The following GDI2 variants were observed in gnomAD, a reference collection of about 807,000 sequenced individuals.
The protein encoded by GDI2 is rab GDP dissociation inhibitor beta.
A neutral mutation model predicts 54.2 loss-of-function variants in GDI2; 22 were observed. The ratio of observed to expected loss-of-function variants is 0.41; its 90% CI spans 0.29 to 0.58. The LOEUF (loss-of-function observed/expected upper bound fraction) is 0.58. Ranked by LOEUF, GDI2 falls within the 20% of genes least tolerant of loss-of-function variation. The probability of loss-of-function intolerance (pLI) is 0.35; values close to 1 mark genes in which losing one functional copy is unlikely to be tolerated. For synonymous variants in GDI2, 177 were observed against 182.1 expected, an observed-to-expected ratio of 0.97 and a Z score of 0.23; for missense variants, 422 against 546.0, an observed-to-expected ratio of 0.77 and a Z score of 2.26.
intron 1 of GDI2, among the ~76,000 whole-genome samples, chr10:5,801,242 C>T (rs1393241950): frequency 2.0e-5 from 3 of 152,148 alleles, no homozygotes; most frequent in Non-Finnish European, 2.9e-5. Context: ...CGTAAGCCAT[C>T]GTGCCCAGCC....
chr10:5,800,647 C>T lies in GDI2; in HGVS notation c.104G>A (p.Arg35Gln), dbSNP rs148812584. ...ACTCTCTCCTCCGTAGTAAGGGTTT[C>T]GATCCATATGAAGAACTTTCTTGCC... ...VNGKKVLHMDRNPYYGGESAS... is the reference protein window; with the variant it reads ...VNGKKVLHMDQNPYYGGESAS... The change falls in exon 2 of 11, where the codon CGA (arginine) becomes CAA (glutamine). Residue 35 changes from arginine (R) to glutamine (Q), a missense_variant. Arg to Gln is a conservative substitution (Grantham distance 43, BLOSUM62 1). Transcript: ENST00000380191. 9.9e-5 allele frequency: 159 copies of T among 1,601,980 alleles called. 1 individual carries two copies. The African/African-American group carries it at 1.6e-3, about 16-fold the overall frequency.
intron 8 of GDI2, among the ~76,000 whole-genome samples, chr10:5,767,818 A>C (rs1260846311): frequency 6.6e-6 from 1 of 152,244 alleles, no homozygotes; most frequent in Non-Finnish European, 1.5e-5. Flanking sequence ...AAAGGTGGAC[A>C]CTGCTAGAAT....
intron 7 of GDI2, among the ~76,000 whole-genome samples, chr10:5,770,966 A>AT: frequency 6.8e-6 from 1 of 147,594 alleles, no homozygotes; most frequent in African/African-American, 2.5e-5. Flanking sequence ...ACTGTCTCAA[A>AT]AAAAAAAAAA....
chr10:5,796,220 C>T (rs968381836), intron 3 of GDI2, among the ~76,000 whole-genome samples: 8 of 151,678 alleles, frequency 5.3e-5, no homozygotes, highest in Non-Finnish European at 1.2e-4. Flanking sequence ...CGTGGTGGCA[C>T]GCACCTGTAA....
intron 3 of GDI2, among the ~76,000 whole-genome samples, chr10:5,796,178 T>C (rs7896749): frequency 0.33 from 50,632 of 151,634 alleles, 8,834 homozygotes; most frequent in Non-Finnish European, 0.38. Context: ...GGTAAAACCC[T>C]GTCTGTACTA....
At chr10:5,793,535 C>T (rs1243392250) in intron 4 of GDI2, among the ~76,000 whole-genome samples, 2 of 152,072 alleles carry the variant, frequency 1.3e-5, no homozygotes, top group East Asian at 3.8e-4. Context: ...ATTTTATACC[C>T]AATATTTTCT....
intron 1 of GDI2, chr10:5,812,069 T>C (rs949626756): frequency 1.9e-5 from 5 of 265,730 alleles, no homozygotes; most frequent in South Asian, 3.3e-5. Flanking sequence ...TCAGAGTACA[T>C]AGGATACACA....
intron 4 of GDI2, among the ~76,000 whole-genome samples, chr10:5,790,609 G>C (rs377470405): frequency 2.6e-5 from 4 of 152,172 alleles, no homozygotes; most frequent in Admixed American, 2.6e-4. Context: ...TTACACCATT[G>C]AACTCCAGCC....
chr10:5,776,688 G>C lies in GDI2; in HGVS notation c.720-2747C>G. On this transcript the variant is annotated intron_variant, in intron 6 of 10. Coordinates refer to ENST00000380191, the MANE Select transcript of GDI2 (RefSeq NM_001494.4). This position sits in a 1 kb window ranked among gnomAD's most constrained non-coding sequence, Gnocchi z 5.3. The stretch of plus-strand genomic sequence containing the variant: ...TTTGTAGAAAAGTCAGAGTTATGGA[G>C]CTTGCCGCCACATTCAGAAACTGCT... 6.8e-7 allele frequency: 1 copy of C among 1,461,436 alleles called. No individual in the cohort carries two copies. The highest frequency in any genetic ancestry group is 1.2e-5 in the South Asian group (1 of 86,518). The allele number at this position is 1,461,436 out of a possible 1,614,324, so 90.5% of individuals were successfully genotyped here. A position where few individuals can be genotyped will look rare whatever the true frequency, so the allele number is the denominator to read the frequency against.
intron 4 of GDI2, among the ~76,000 whole-genome samples, chr10:5,791,583 A>G (rs1339189011): frequency 4.6e-5 from 7 of 152,228 alleles, no homozygotes; most frequent in South Asian, 2.1e-4. Context: ...CCCCGTCTCT[A>G]CTAAAAATAC....
Position 5,775,158 on chromosome 10 carries a change from C to G in GDI2, c.720-1217G>C, listed in dbSNP as rs867429714. Among the ~76,000 whole-genome samples the G allele has an allele frequency of 8.5e-5, 13 of 152,282 alleles. No homozygotes were observed. The Middle Eastern group carries it at 0.017, about 199-fold the overall frequency. The stretch of plus-strand genomic sequence containing the variant: ...GAAAAATTAACCAGGCATGGTGGCA[C>G]TCATCTGTAGTCCCAGCTACCCGGA... On this transcript the variant is annotated intron_variant, in intron 6 of 10. Coordinates refer to ENST00000380191, the MANE Select transcript of GDI2 (RefSeq NM_001494.4).
chr10:5,787,507 CAAA>C (rs111933377), intron 4 of GDI2, among the ~76,000 whole-genome samples: 1 of 129,756 alleles, frequency 7.7e-6, no homozygotes, highest in Non-Finnish European at 1.7e-5. Flanking sequence ...GACTCCGTCT[CAAA>C]AAAAAAAAAG....
intron 7 of GDI2, among the ~76,000 whole-genome samples, chr10:5,773,229 A>C (rs1311566875): frequency 6.6e-6 from 1 of 152,234 alleles, no homozygotes; most frequent in Non-Finnish European, 1.5e-5. Flanking sequence ...TTAGATTTTT[A>C]GAATTCCAGT....
At chr10:5,797,494 G>C (rs1170924777) in intron 2 of GDI2, among the ~76,000 whole-genome samples, 1 of 142,882 alleles carries the variant, frequency 7.0e-6, no homozygotes, top group African/African-American at 2.6e-5. Context: ...GCAGTGAGCC[G>C]AGATAGCGTG....
rs377302415 is a variant in GDI2 at position 5,806,723 on chromosome 10, AC to A, written c.46-6019del. Reference sequence around the variant, plus strand: ...TTTTGGGGGGTGGGGGAAGAAAACAACCTAAAGCAGCACCAACATATAGTTC... The same window carrying A: ...TTTTGGGGGGTGGGGGAAGAAAACAACTAAAGCAGCACCAACATATAGTTC... On this transcript the variant is annotated intron_variant, in intron 1 of 10. Transcript: ENST00000380191. 6.2e-4 allele frequency among the ~76,000 whole-genome samples: 95 copies of A among 152,304 alleles called. No homozygotes were observed. The South Asian group carries it at 0.02, about 32-fold the overall frequency.
chr10:5,768,376 G>A lies in GDI2; in HGVS notation c.828C>T (p.Arg276=). Residue 276 remains arginine (R), a synonymous_variant, in exon 8 of 11, where the codon CGC becomes CGT. Transcript: ENST00000380191. The surrounding 1 kb of genome is among the most constrained non-coding windows in gnomAD (Gnocchi z 4.4). The part of the protein sequence containing the change: ...IGVKSEGEIA[R]CKQLICDPSY... ...TGGGGTCACAGATGAGCTGCTTACA[G>A]CGAGCAATCTATAACAAAGCATTTA... 2 of 1,609,522 alleles carry A rather than the reference G, an allele frequency of 1.2e-6. No homozygotes were observed. The highest frequency in any genetic ancestry group is 1.7e-6 in the Non-Finnish European group (2 of 1,175,748).
intron 2 of GDI2, among the ~76,000 whole-genome samples, chr10:5,797,175 A>G (rs534331548): frequency 3.9e-5 from 6 of 152,132 alleles, no homozygotes; most frequent in African/African-American, 1.4e-4. Context: ...TTTGTAATCC[A>G]TGAGGCGGGT....
At chr10:5,792,688 CAA>C (rs5782859) in intron 4 of GDI2, among the ~76,000 whole-genome samples, 3 of 131,058 alleles carry the variant, frequency 2.3e-5, no homozygotes, top group Non-Finnish European at 4.9e-5. Context: ...TGCGCTTATT[CAA>C]AAAAAAAAAA....
intron 7 of GDI2, 76 bp downstream of exon 7, chr10:5,773,766 A>G (rs1259780832): frequency 2.7e-6 from 2 of 739,882 alleles, no homozygotes; most frequent in East Asian, 2.5e-5. Flanking sequence ...CAGTGTCCAC[A>G]CCAAAATCAA....
Sources: allele counts gnomAD v4.1 joint callset (sites outside exome capture counted in the v4.1 genomes callset), GRCh38; gene constraint gnomAD v4.1.1; non-coding constraint Gnocchi (gnomAD v3.1); transcripts MANE v1.5; gene names NCBI Gene and HGNC (gene_info 2026-07-23, HGNC 2026-07-21).